NUDT3: variants seen among roughly 807,000 people sequenced by gnomAD.
The protein encoded by NUDT3 is diphosphoinositol polyphosphate phosphohydrolase 1.
In NUDT3, 9 loss-of-function variants were observed where a neutral mutation model predicts 23.6. The ratio of observed to expected loss-of-function variants is 0.38; its 90% CI spans 0.23 to 0.66. NUDT3 has a LOEUF of 0.66. NUDT3 is among the 30% of genes least tolerant of loss of function. The pLI, the probability that NUDT3 is intolerant of heterozygous loss-of-function variation, is 0.52. For synonymous variants in NUDT3, 86 were observed against 82.6 expected (o/e 1.04, Z -0.22); for missense variants, 172 against 218.5 (o/e 0.79, Z 1.34).
At chr6:34,357,679 G>A (rs1032008359) in intron 1 of NUDT3, among the ~76,000 whole-genome samples, 5 of 151,262 alleles carry the variant, frequency 3.3e-5, no homozygotes, top group African/African-American at 7.3e-5. Context: ...TTATACTTTC[G>A]TATATTTTAG....
intron 4 of NUDT3, among the ~76,000 whole-genome samples, chr6:34,292,454 A>G (rs1287552403): frequency 6.6e-6 from 1 of 152,210 alleles, no homozygotes; most frequent in Non-Finnish European, 1.5e-5. Context: ...GTACCACCAC[A>G]GTTTATAGTT....
At chr6:34,289,284 G>A (rs1358014075) in intron 4 of NUDT3, among the ~76,000 whole-genome samples, 2 of 152,170 alleles carry the variant, frequency 1.3e-5, no homozygotes, top group Non-Finnish European at 2.9e-5. Context: ...ACTGACATGA[G>A]GGCCGGATGA....
At chr6:34,331,659 T>C (rs1287255054) in intron 2 of NUDT3, among the ~76,000 whole-genome samples, 1 of 152,234 alleles carries the variant, frequency 6.6e-6, no homozygotes, top group Non-Finnish European at 1.5e-5. Context: ...TGACTACAAA[T>C]ACAGTCGGCC....
intron 1 of NUDT3, among the ~76,000 whole-genome samples, chr6:34,359,242 G>A (rs1408144002): frequency 2.0e-5 from 3 of 152,030 alleles, no homozygotes; most frequent in South Asian, 2.1e-4. Context: ...GTGTGGTGGC[G>A]GGCGCCTGTA....
chr6:34,287,340 C>A lies in NUDT3; in HGVS notation c.*1413G>T, dbSNP rs1241285392. ...ATCAGTCAGTGTAGCCCTCCCTACC[C>A]CTCAATCTCAAGACCCTCTTACTTC... On this transcript the variant is annotated 3_prime_UTR_variant, in exon 5 of 5. Coordinates refer to ENST00000607016, the MANE Select transcript of NUDT3 (RefSeq NM_006703.4). 1 of 152,190 alleles carries A rather than the reference C, an allele frequency of 6.6e-6. No homozygotes were observed. The highest frequency in any genetic ancestry group is 1.5e-5 in the Non-Finnish European group (1 of 68,036). The allele number at this position is 152,190 out of a possible 1,614,324, so 9.4% of individuals were successfully genotyped here.
rs537494811 is a variant in NUDT3 at position 34,297,211 on chromosome 6, C to T, written c.211-1526G>A. Among the ~76,000 whole-genome samples, 24 of 152,138 alleles carry T rather than the reference C, an allele frequency of 1.6e-4. 2 individuals carry two copies. The South Asian group carries it at 3.3e-3, about 21-fold the overall frequency. On this transcript the variant is annotated intron_variant, in intron 2 of 4. Coordinates refer to ENST00000607016, the MANE Select transcript of NUDT3 (RefSeq NM_006703.4). ...TCTCCCAAAGTGCTGGGATTACAGGCGTGAGTCACCGCGCCTGGCCTGCCT... is the reference window on the plus strand; with the variant it reads ...TCTCCCAAAGTGCTGGGATTACAGGTGTGAGTCACCGCGCCTGGCCTGCCT...
chr6:34,324,742 A>C (rs970665894), intron 2 of NUDT3, among the ~76,000 whole-genome samples: 1 of 152,238 alleles, frequency 6.6e-6, no homozygotes, highest in Non-Finnish European at 1.5e-5. Flanking sequence ...CACCAGAATG[A>C]CAGAGCCACT....
chr6:34,392,416 A>T lies in NUDT3; in HGVS notation c.-54T>A. Reference sequence around the variant, plus strand: ...GGGTCGCAGGAGTCGAGGGGTGGGGAGCCCGCTCTGGACGGCCGCGTGCGC... The same window carrying T: ...GGGTCGCAGGAGTCGAGGGGTGGGGTGCCCGCTCTGGACGGCCGCGTGCGC... On this transcript the variant is annotated 5_prime_UTR_variant, in exon 1 of 5. Coordinates refer to ENST00000607016, the MANE Select transcript of NUDT3 (RefSeq NM_006703.4). 2.8e-6 allele frequency: 4 copies of T among 1,436,760 alleles called. No homozygotes were observed. The highest frequency in any genetic ancestry group is 3.8e-6 in the Non-Finnish European group (4 of 1,049,690). The allele number at this position is 1,436,760 out of a possible 1,614,324, so 89.0% of individuals were successfully genotyped here. A position where few individuals can be genotyped will look rare whatever the true frequency, so the allele number is the denominator to read the frequency against.
intron 1 of NUDT3, among the ~76,000 whole-genome samples, chr6:34,388,677 C>A (rs547122755): frequency 6.6e-6 from 1 of 152,300 alleles, no homozygotes; most frequent in African/African-American, 2.4e-5. Context: ...AACTACTCAA[C>A]TCTGTCTGCA....
intron 1 of NUDT3, among the ~76,000 whole-genome samples, chr6:34,387,962 CAGAGCA>C (rs1765135565): frequency 6.6e-6 from 1 of 152,088 alleles, no homozygotes; most frequent in African/African-American, 2.4e-5. Flanking sequence ...CTGATGCACC[CAGAGCA>C]ACTTCCAGTC....
chr6:34,337,588 A>G (rs897038814), intron 2 of NUDT3, among the ~76,000 whole-genome samples: 13 of 152,206 alleles, frequency 8.5e-5, no homozygotes, highest in African/African-American at 2.9e-4. Flanking sequence ...TACTCCCTCA[A>G]TGCATTTCCT....
At chr6:34,335,851 T>C (rs549336127) in intron 2 of NUDT3, among the ~76,000 whole-genome samples, 3 of 151,906 alleles carry the variant, frequency 2.0e-5, no homozygotes, top group African/African-American at 7.2e-5. Context: ...GCCTCCCCAG[T>C]AGCTGGGACT....
chr6:34,283,076 C>T lies in NUDT3; in HGVS notation c.*5677G>A, dbSNP rs991755317. The stretch of plus-strand genomic sequence containing the variant: ...CACCAAATTACCACTATAAACAAAG[C>T]TTCAGGGAAGAGACATAACCTTACT... On this transcript the variant is annotated 3_prime_UTR_variant, in exon 5 of 5. Transcript: ENST00000607016. 1 of 152,152 alleles carries T rather than the reference C, an allele frequency of 6.6e-6. No individual in the cohort carries two copies. Among genetic ancestry groups the T allele is most frequent in the Non-Finnish European group, 1.5e-5 (1 of 68,048 alleles). 9.4% of individuals were successfully genotyped at this position (152,152 alleles called of 1,614,324 possible).
intron 2 of NUDT3, among the ~76,000 whole-genome samples, chr6:34,338,779 T>C (rs1275861040): frequency 6.6e-6 from 1 of 152,174 alleles, no homozygotes; most frequent in Non-Finnish European, 1.5e-5. Flanking sequence ...CTCAATTCCT[T>C]GATGGGTTAG....
intron 2 of NUDT3, among the ~76,000 whole-genome samples, chr6:34,322,389 A>G (rs1021642696): frequency 6.6e-6 from 1 of 152,028 alleles, no homozygotes; most frequent in African/African-American, 2.4e-5. Flanking sequence ...GCCACCACGC[A>G]CAGCTAATTT....
At chr6:34,293,717 G>T (rs1411653125) in intron 3 of NUDT3, among the ~76,000 whole-genome samples, 182 bp from the exon 4 acceptor site, 2 of 152,132 alleles carry the variant, frequency 1.3e-5, no homozygotes, top group African/African-American at 4.8e-5. Context: ...GAATTTGAGG[G>T]TGTGCTCTTT....
At chr6:34,374,448 G>A (rs1367252960) in intron 1 of NUDT3, among the ~76,000 whole-genome samples, 1 of 152,084 alleles carries the variant, frequency 6.6e-6, no homozygotes, top group Non-Finnish European at 1.5e-5. Flanking sequence ...ATTTACTGCA[G>A]TGAATCTTTC....
intron 2 of NUDT3, among the ~76,000 whole-genome samples, chr6:34,311,733 A>G (rs1346368972): frequency 2.0e-5 from 3 of 152,214 alleles, no homozygotes; most frequent in Non-Finnish European, 4.4e-5. Flanking sequence ...AAATAAATAG[A>G]TGGAACAATA....
chr6:34,292,479 G>A (rs369718944), intron 4 of NUDT3, among the ~76,000 whole-genome samples: 2 of 152,020 alleles, frequency 1.3e-5, no homozygotes, highest in Non-Finnish European at 2.9e-5. Flanking sequence ...AGATGTAAAC[G>A]TAACAGCCAT....
Sources: gnomAD v4.1 joint callset for allele counts (sites outside exome capture counted in the v4.1 genomes callset) on GRCh38, gnomAD v4.1.1 for gene constraint, MANE v1.5 for transcripts, NCBI Gene and HGNC (gene_info 2026-07-23, HGNC 2026-07-21) for gene names.